Variants in ZNF133 observed in about 807,000 individuals in gnomAD.
ZNF133 encodes the protein zinc finger protein 133 (clone pHZ-13).
In ZNF133, 26 loss-of-function variants were observed where a neutral mutation model predicts 54.9. The ratio of observed to expected loss-of-function variants is 0.47; its 90% CI spans 0.35 to 0.66. The LOEUF is 0.66. ZNF133 is among the 30% of genes least tolerant of loss of function. ZNF133 has a pLI of 0.01. For synonymous variants in ZNF133, 298 were observed against 320.3 expected (o/e 0.93, Z 0.74); for missense variants, 653 against 820.8 (o/e 0.80, Z 2.50).
At position 18,315,345 on chromosome 20, in the gene ZNF133, C is replaced by T. The variant is rs554278796; in HGVS notation, c.494C>T (p.Ala165Val). Reference sequence around the variant, plus strand: ...AGAACCAAGAAAAGGACTCTGGGAGCGTTCTCCAGGCCACCCCAGAGGCAG... The same window carrying T: ...AGAACCAAGAAAAGGACTCTGGGAGTGTTCTCCAGGCCACCCCAGAGGCAG... The part of the protein sequence containing the change: ...FGRTKKRTLG[A>V]FSRPPQRQPV... The change falls in exon 7 of 7, where the codon GCG (alanine) becomes GTG (valine). Residue 165 changes from alanine to valine, a missense_variant. Transcript: ENST00000425686. The T allele has an allele frequency of 6.2e-7, 1 of 1,614,056 alleles. No individual in the cohort carries two copies. Among genetic ancestry groups the T allele is most frequent in the East Asian group, 2.2e-5 (1 of 44,866 alleles).
chr20:18,298,529 C>G (rs1043675767), intron 3 of ZNF133, 65 bp downstream of exon 3: 2 of 166,588 alleles, frequency 1.2e-5, no homozygotes, highest in Admixed American at 6.2e-5. Context: ...CCTGCCAGCC[C>G]TATGGCAGGT....
intron 1 of ZNF133, among the ~76,000 whole-genome samples, 159 bp from the exon 2 acceptor site, chr20:18,297,825 CT>C (rs2042551750): frequency 6.6e-6 from 1 of 151,928 alleles, no homozygotes; most frequent in Non-Finnish European, 1.5e-5. Flanking sequence ...CTTGTTTTTC[CT>C]TTTCCTTTGC....
At chr20:18,297,917 G>A (rs2042565875) in intron 1 of ZNF133, 68 bp from the exon 2 acceptor site, 4 of 1,035,754 alleles carry the variant, frequency 3.9e-6, no homozygotes, top group African/African-American at 3.2e-5. Context: ...TTAAAGAGCA[G>A]GCCCTGCTTC....
chr20:18,306,190 T>C, intron 5 of ZNF133, 108 bp from the exon 6 acceptor site: 1 of 1,053,348 alleles, frequency 9.5e-7, no homozygotes, highest in Non-Finnish European at 1.4e-6. Flanking sequence ...CTCTTCCAAC[T>C]CAGGGCTTTG....
intron 6 of ZNF133, among the ~76,000 whole-genome samples, chr20:18,311,296 G>T (rs1454138051): frequency 6.6e-6 from 1 of 152,182 alleles, no homozygotes; most frequent in Non-Finnish European, 1.5e-5. Context: ...TTCAGCCTGG[G>T]CCACAGAGTG....
chr20:18,315,915 T>A lies in ZNF133; in HGVS notation c.1064T>A (p.Val355Glu). ...QRTHLEEKTI[V>E]CSDCGLGFSD... ...ACACACTTGGAGGAGAAGACCATCG[T>A]GTGCAGTGACTGTGGCCTGGGCTTC... Residue 355 changes from valine to glutamate, a missense_variant, in exon 7 of 7, where the codon GTG becomes GAG. Val to Glu is a moderately radical substitution (Grantham distance 121). Around this residue, in one of 4 missense-constraint regions of ZNF133, gnomAD observed 292 missense variants for 431.6 expected, o/e 0.68. Coordinates refer to ENST00000425686, the MANE Select transcript of ZNF133 (RefSeq NM_001352452.2). 1 of 1,613,942 alleles carries A rather than the reference T, an allele frequency of 6.2e-7. No individual in the cohort carries two copies. The highest frequency in any genetic ancestry group is 8.5e-7 in the Non-Finnish European group (1 of 1,179,974).
At chr20:18,306,940 T>C (rs2044763149) in intron 6 of ZNF133, 3 of 222,974 alleles carry the variant, frequency 1.3e-5, no homozygotes, top group Non-Finnish European at 2.3e-5. Flanking sequence ...AAAAGTTTGC[T>C]GGCCCATGCT....
At chr20:18,310,119 G>T in intron 6 of ZNF133, 1 of 1,300,250 alleles carries the variant, frequency 7.7e-7, no homozygotes, top group South Asian at 2.5e-5. Flanking sequence ...TTGTCTTAAA[G>T]CGAAACCTAT....
chr20:18,315,066 C>A lies in ZNF133; in HGVS notation c.218-3C>A. 6.6e-7 allele frequency: 1 copy of A among 1,523,806 alleles called. No homozygotes were observed. 94.4% of individuals were successfully genotyped at this position (1,523,806 alleles called of 1,614,324 possible). On this transcript the variant is annotated splice_polypyrimidine_tract_variant and splice_region_variant and intron_variant, in intron 6 of 6. Coordinates refer to ENST00000425686, the MANE Select transcript of ZNF133 (RefSeq NM_001352452.2). ...GTTGTGACTCACACTTTTCTCTCTG[C>A]AGCAGATCCAGAGCCAGAGCTCTAC...
rs767075470 is a variant in ZNF133, at chr20:18,316,303, C to A, written c.1452C>A (p.His484Gln). 2 of 1,613,816 alleles carry A rather than the reference C, an allele frequency of 1.2e-6. No homozygotes were observed. Among genetic ancestry groups the A allele is most frequent in the Non-Finnish European group, 8.5e-7 (1 of 1,179,848 alleles). The change falls in exon 7 of 7, where the codon CAC becomes CAA. Residue 484 changes from histidine to glutamine, a missense_variant. Physicochemically the swap from His to Gln is conservative, Grantham distance 24. This residue lies in a region of ZNF133 where 292 missense variants were observed against 431.6 expected (regional missense o/e 0.68). Transcript: ENST00000425686. ...GFSQQSNLIR[H>Q]QRTHSGEKPM... ...GCCAGCAATCCAACCTCATCAGACA[C>A]CAGAGGACGCACTCAGGCGAGAAGC... is the stretch of plus-strand genomic sequence containing the variant.
At position 18,315,342 on chromosome 20, in the gene ZNF133, G is replaced by C. The variant is rs1028832082; in HGVS notation, c.491G>C (p.Gly164Ala). 6.2e-7 allele frequency: 1 copy of C among 1,614,118 alleles called. No individual in the cohort carries two copies. The highest frequency in any genetic ancestry group is 1.3e-5 in the African/African-American group (1 of 75,020). Residue 164 changes from glycine to alanine, a missense_variant, in exon 7 of 7, where the codon GGA becomes GCA. Gly to Ala is a moderately conservative substitution (Grantham distance 60). Coordinates refer to ENST00000425686, the MANE Select transcript of ZNF133 (RefSeq NM_001352452.2). ...GGAAGAACCAAGAAAAGGACTCTGG[G>C]AGCGTTCTCCAGGCCACCCCAGAGG... ...LFGRTKKRTL[G>A]AFSRPPQRQP...
intron 3 of ZNF133, among the ~76,000 whole-genome samples, chr20:18,299,092 G>A (rs1320516995): frequency 2.6e-5 from 4 of 152,046 alleles, no homozygotes. Flanking sequence ...CCATTCAAAG[G>A]GGAAAAAAAA....
At chr20:18,307,117 G>A (rs1568773899) in intron 6 of ZNF133, among the ~76,000 whole-genome samples, 1 of 151,888 alleles carries the variant, frequency 6.6e-6, no homozygotes, top group East Asian at 1.9e-4. Flanking sequence ...TTATTACAAT[G>A]TTAAAATGTT....
chr20:18,316,263 G>A lies in ZNF133; in HGVS notation c.1412G>A (p.Cys471Tyr), dbSNP rs1231263636. 1 of 1,611,470 alleles carries A rather than the reference G, an allele frequency of 6.2e-7. No homozygotes were observed. The highest frequency in any genetic ancestry group is 1.1e-5 in the South Asian group (1 of 90,584). ...SGEKPIVCKD[C>Y]GRGFSQQSNL... ...GAGAAGCCCATTGTGTGCAAGGACT[G>A]TGGCCGGGGCTTCAGCCAGCAATCC... Residue 471 changes from cysteine (C) to tyrosine (Y), a missense_variant, in exon 7 of 7, where the codon TGT becomes TAT. By Grantham distance (194) the Cys-to-Tyr change is radical. Around this residue, in one of 4 missense-constraint regions of ZNF133, gnomAD observed 292 missense variants for 431.6 expected, o/e 0.68. Coordinates refer to ENST00000425686, the MANE Select transcript of ZNF133 (RefSeq NM_001352452.2).
chr20:18,302,372 C>T lies in ZNF133; in HGVS notation c.-177-2636C>T, dbSNP rs541269370. ...GAGCCAACATCGTGCCTCTGCACTC[C>T]AGCCTGGGTGACAAGAGCAAAAACT... is the stretch of plus-strand genomic sequence containing the variant. On this transcript the variant is annotated intron_variant, in intron 3 of 6. Coordinates refer to ENST00000425686, the MANE Select transcript of ZNF133 (RefSeq NM_001352452.2). 2.0e-5 allele frequency among the ~76,000 whole-genome samples: 3 copies of T among 147,626 alleles called. No homozygotes were observed. In the East Asian group the frequency reaches 5.9e-4, roughly 29 times the overall value.
chr20:18,311,940 A>C (rs1475470411), intron 6 of ZNF133, among the ~76,000 whole-genome samples: 1 of 152,212 alleles, frequency 6.6e-6, no homozygotes, highest in Non-Finnish European at 1.5e-5. Flanking sequence ...GATTTTTAAA[A>C]TCAGTATAGG....
chr20:18,293,333 G>A (rs970526532), intron 1 of ZNF133, among the ~76,000 whole-genome samples: 4 of 152,182 alleles, frequency 2.6e-5, no homozygotes, highest in African/African-American at 9.7e-5. Context: ...TATTTTCGTG[G>A]GTTCCATCAC....
chr20:18,312,640 C>T (rs181750147), intron 6 of ZNF133: 19 of 152,352 alleles, frequency 1.2e-4, no homozygotes, highest in Non-Finnish European at 1.8e-4. Context: ...AGAGCCAGAG[C>T]TTCAGCTGCA....
At chr20:18,289,927 G>A (rs536216367) in intron 1 of ZNF133, 1 of 152,396 alleles carries the variant, frequency 6.6e-6, no homozygotes, top group East Asian at 1.9e-4. Flanking sequence ...TAAGGAATAG[G>A]AGGTACTGCC....
Sources: gnomAD v4.1 joint callset for allele counts (sites outside exome capture counted in the v4.1 genomes callset) on GRCh38, gnomAD v4.1.1 for gene constraint, gnomAD v4.1.1 regional missense constraint, MANE v1.5 for transcripts, NCBI Gene and HGNC (gene_info 2026-07-23, HGNC 2026-07-21) for gene names.